RASEF: variants seen among roughly 807,000 people sequenced by gnomAD.
RASEF encodes the protein ras and EF-hand domain-containing protein.
In RASEF, 68 loss-of-function variants were observed where a neutral mutation model predicts 90.1. The observed-to-expected ratio is 0.75, with a 90% CI of 0.62 to 0.92. The LOEUF is 0.92. Ranked by LOEUF, RASEF falls within the 40% of genes least tolerant of loss-of-function variation. The probability of loss-of-function intolerance (pLI) is 0.00; values close to 1 mark genes in which losing one functional copy is unlikely to be tolerated. For synonymous variants in RASEF, 331 were observed against 345.2 expected (o/e 0.96, Z 0.46); for missense variants, 949 against 937.2 (o/e 1.01, Z -0.16).
chr9:83,108,233 C>A, the RASEF span, among the ~76,000 whole-genome samples: 1 of 151,994 alleles, frequency 6.6e-6, no homozygotes, highest in Non-Finnish European at 1.5e-5. Context: ...GTGAATTATA[C>A]CTCAATAAGA....
At chr9:83,175,181 T>C in the RASEF span, among the ~76,000 whole-genome samples, 1 of 152,202 alleles carries the variant, frequency 6.6e-6, no homozygotes. Context: ...ATCCTTGTCT[T>C]GCTTCTTTCC....
Position 83,000,545 on chromosome 9 carries a change from G to A in RASEF, c.1463C>T (p.Thr488Ile), listed in dbSNP as rs1306147264. Residue 488 changes from threonine to isoleucine, a missense_variant, in exon 11 of 17, where the codon ACA becomes ATA. This residue lies in a region of RASEF where 288 missense variants were observed against 328.4 expected (regional missense o/e 0.88). Coordinates refer to ENST00000376447, the MANE Select transcript of RASEF (RefSeq NM_152573.4). ...TDVPDIRDEE[T>I]FGLEDVASVL... ...GGAAGCCACATCTTCTAAACCAAAT[G>A]TCTCTTCATCCCTTATGTCAGGAAC... 1 of 1,612,490 alleles carries A rather than the reference G, an allele frequency of 6.2e-7. No individual in the cohort carries two copies. The highest frequency in any genetic ancestry group is 8.5e-7 in the Non-Finnish European group (1 of 1,179,430).
the RASEF span, among the ~76,000 whole-genome samples, chr9:83,189,122 C>G: frequency 2.6e-5 from 4 of 152,194 alleles, no homozygotes; most frequent in African/African-American, 9.6e-5. Context: ...CCATAATCCC[C>G]ACATGTCGTG....
intron 4 of RASEF, among the ~76,000 whole-genome samples, chr9:83,015,563 C>G (rs1002711858): frequency 6.6e-6 from 1 of 152,086 alleles, no homozygotes; most frequent in Non-Finnish European, 1.5e-5. Context: ...GCCTATAATC[C>G]CAGCTACTCA....
At position 83,062,684 on chromosome 9, in the gene RASEF, T is replaced by C. The variant is rs1405263682; in HGVS notation, c.184A>G (p.Ile62Val). The C allele has an allele frequency of 6.3e-7, 1 of 1,575,100 alleles. No individual in the cohort carries two copies. Among genetic ancestry groups the C allele is most frequent in the Admixed American group, 1.8e-5 (1 of 56,840 alleles). The change falls in exon 1 of 17, where the codon ATC becomes GTC. Residue 62 changes from isoleucine (I) to valine (V), a missense_variant. This residue lies in a region of RASEF where 656 missense variants were observed against 592.2 expected (regional missense o/e 1.11). Coordinates refer to ENST00000376447, the MANE Select transcript of RASEF (RefSeq NM_152573.4). ...CCACGCGCGAACTCCTGGAAGGTGA[T>C]GGCGCCGTCACGGTCGGCGTCCAGC... ...QRLDADRDGA[I>V]TFQEFARGFL...
chr9:83,217,379 A>T, the RASEF span, among the ~76,000 whole-genome samples: 4 of 152,124 alleles, frequency 2.6e-5, no homozygotes, highest in African/African-American at 9.7e-5. Context: ...TGAGGACATG[A>T]GATTTGGGAG....
chr9:83,045,362 G>A (rs1304335772), intron 1 of RASEF, among the ~76,000 whole-genome samples: 1 of 152,154 alleles, frequency 6.6e-6, no homozygotes, highest in African/African-American at 2.4e-5. Context: ...AACTTTAATT[G>A]TTACTGATAA....
chr9:83,049,857 CAAA>C (rs1830010878), intron 1 of RASEF, among the ~76,000 whole-genome samples: 4 of 83,796 alleles, frequency 4.8e-5, no homozygotes, highest in African/African-American at 2.2e-4. Context: ...CATGTCCCTA[CAAA>C]GGACATGAAC....
rs1828603619 is a variant in RASEF, at chr9:82,981,668, A to G, written c.*1009T>C. 6.8e-6 allele frequency: 1 copy of G among 146,352 alleles called. No homozygotes were observed. The highest frequency in any genetic ancestry group is 2.2e-4 in the South Asian group (1 of 4,602). 9.1% of individuals were successfully genotyped at this position (146,352 alleles called of 1,614,324 possible). A position where few individuals can be genotyped will look rare whatever the true frequency, so the allele number is the denominator to read the frequency against. On this transcript the variant is annotated 3_prime_UTR_variant, in exon 17 of 17. Transcript: ENST00000376447. Reference sequence around the variant, plus strand: ...AGTATACAATTCAGTGGTTCCTAGTACATTCAAACAGTTATACAACTATCA... The same window carrying G: ...AGTATACAATTCAGTGGTTCCTAGTGCATTCAAACAGTTATACAACTATCA...
At chr9:82,991,154 C>A (rs1326273033) in intron 15 of RASEF, among the ~76,000 whole-genome samples, 1 of 152,170 alleles carries the variant, frequency 6.6e-6, no homozygotes, top group African/African-American at 2.4e-5. Context: ...CCCTGGCCTT[C>A]CTCTAATTCT....
the RASEF span, among the ~76,000 whole-genome samples, chr9:83,208,793 T>C: frequency 6.6e-6 from 1 of 152,176 alleles, no homozygotes; most frequent in African/African-American, 2.4e-5. Flanking sequence ...GCTATGAATA[T>C]CCATTTGGGT....
chr9:83,024,470 T>C (rs529670437), intron 2 of RASEF, among the ~76,000 whole-genome samples: 6 of 152,290 alleles, frequency 3.9e-5, no homozygotes, highest in Non-Finnish European at 7.4e-5. Flanking sequence ...TTAATACTTA[T>C]TGGATGCTCT....
the RASEF span, among the ~76,000 whole-genome samples, chr9:83,204,053 T>C: frequency 6.6e-6 from 1 of 152,132 alleles, no homozygotes; most frequent in Non-Finnish European, 1.5e-5. Context: ...CAAGGCAGTG[T>C]CACAGTCCTC....
the RASEF span, among the ~76,000 whole-genome samples, chr9:83,137,006 C>T: frequency 1.3e-5 from 2 of 151,950 alleles, no homozygotes; most frequent in Non-Finnish European, 2.9e-5. Flanking sequence ...ACATTCTATC[C>T]TTTGTCAGTT....
chr9:83,061,757 T>C (rs199497748), intron 1 of RASEF, among the ~76,000 whole-genome samples: 1 of 152,178 alleles, frequency 6.6e-6, no homozygotes, highest in Non-Finnish European at 1.5e-5. Flanking sequence ...TTTTATTCCG[T>C]CACATAAAAA....
intron 1 of RASEF, chr9:83,055,194 G>C (rs374117170): frequency 5.4e-6 from 1 of 184,414 alleles, no homozygotes; most frequent in Non-Finnish European, 1.1e-5. Flanking sequence ...AGCAATCAGC[G>C]AGATTCCGTG....
At position 82,981,759 on chromosome 9, in the gene RASEF, C is replaced by G. The variant is rs1412081257; in HGVS notation, c.*918G>C. 6.6e-6 allele frequency: 1 copy of G among 152,212 alleles called. No individual in the cohort carries two copies. Among genetic ancestry groups the G allele is most frequent in the African/African-American group, 2.4e-5 (1 of 41,428 alleles). 9.4% of individuals were successfully genotyped at this position (152,212 alleles called of 1,614,324 possible). ...GAAACCACATACCTATTAGCAGTCA[C>G]TCCCCATCCTCCCTTTCTCAGCCCC... On this transcript the variant is annotated 3_prime_UTR_variant, in exon 17 of 17. Transcript: ENST00000376447.
chr9:83,055,138 C>T (rs1830078943), intron 1 of RASEF: 1 of 170,652 alleles, frequency 5.9e-6, no homozygotes, highest in Non-Finnish European at 1.2e-5. Context: ...GCGCCCCTCC[C>T]CCAGCCTCGT....
At position 83,056,008 on chromosome 9, in the gene RASEF, T is replaced by C. The variant is rs1830096003; in HGVS notation, c.431+6429A>G. Among the ~76,000 whole-genome samples, 3 of 152,146 alleles carry C rather than the reference T, an allele frequency of 2.0e-5. No individual in the cohort carries two copies. The South Asian group carries it at 6.2e-4, about 32-fold the overall frequency. ...ACAAGGTCAGGGTCAGGTGTATATA[T>C]ATAGTGCCTAGTGAGATGTCAAGGG... is the stretch of plus-strand genomic sequence containing the variant. On this transcript the variant is annotated intron_variant, in intron 1 of 16. Coordinates refer to ENST00000376447, the MANE Select transcript of RASEF (RefSeq NM_152573.4).
Sources: allele counts gnomAD v4.1 joint callset (sites outside exome capture counted in the v4.1 genomes callset), GRCh38; gene constraint gnomAD v4.1.1; regional missense constraint gnomAD v4.1.1; transcripts MANE v1.5; gene names NCBI Gene and HGNC (gene_info 2026-07-23, HGNC 2026-07-21).